The following ZNF892 variants were observed in gnomAD, a reference collection of about 807,000 sequenced individuals.
ZNF892 encodes the protein zinc finger protein 892.
chr2:95,227,299 A>G, the ZNF892 span, among the ~76,000 whole-genome samples: 1 of 152,014 alleles, frequency 6.6e-6, no homozygotes, highest in African/African-American at 2.4e-5. Flanking sequence ...TCTTACAAGA[A>G]TATGTATCAG....
the ZNF892 span, among the ~76,000 whole-genome samples, chr2:95,255,501 A>G: frequency 1.3e-5 from 2 of 152,120 alleles, no homozygotes; most frequent in African/African-American, 4.8e-5. Flanking sequence ...ACTTCCAACT[A>G]TGTGGTCAAT....
At chr2:95,254,197 G>T in the ZNF892 span, among the ~76,000 whole-genome samples, 1 of 152,166 alleles carries the variant, frequency 6.6e-6, no homozygotes, top group African/African-American at 2.4e-5. Context: ...TGCCCATTCA[G>T]TATGATATTG....
chr2:95,258,500 TAC>T, the ZNF892 span, among the ~76,000 whole-genome samples: 1 of 152,194 alleles, frequency 6.6e-6, no homozygotes, highest in African/African-American at 2.4e-5. Flanking sequence ...GGACGTGGGT[TAC>T]AGATTGGGAA....
At chr2:95,242,176 TAAGAC>T in the ZNF892 span, among the ~76,000 whole-genome samples, 1 of 152,114 alleles carries the variant, frequency 6.6e-6, no homozygotes, top group African/African-American at 2.4e-5. Flanking sequence ...AAATCAACTC[TAAGAC>T]ATATAATCAT....
chr2:95,216,736 C>G, the ZNF892 span, among the ~76,000 whole-genome samples: 2 of 151,260 alleles, frequency 1.3e-5, no homozygotes, highest in African/African-American at 2.4e-5. Flanking sequence ...TTTAGTTTAC[C>G]CTGTTTGGGG....
chr2:95,223,804 A>G, the ZNF892 span, among the ~76,000 whole-genome samples: 1 of 152,350 alleles, frequency 6.6e-6, no homozygotes, highest in East Asian at 1.9e-4. Flanking sequence ...AAATCTTAGA[A>G]CATTATCACC....
the ZNF892 span, among the ~76,000 whole-genome samples, chr2:95,225,650 G>T: frequency 6.6e-6 from 1 of 152,156 alleles, no homozygotes; most frequent in Non-Finnish European, 1.5e-5. Flanking sequence ...CAAAACTTTA[G>T]TCCTTTTCAC....
chr2:95,252,606 T>C, the ZNF892 span, among the ~76,000 whole-genome samples: 2 of 152,212 alleles, frequency 1.3e-5, no homozygotes, highest in Non-Finnish European at 2.9e-5. Context: ...TACCCAGTAA[T>C]GGGATTGCTG....
chr2:95,211,478 G>A, the ZNF892 span: 2 of 393,072 alleles, frequency 5.1e-6, no homozygotes, highest in African/African-American at 2.1e-5. Context: ...TCTTAGTACT[G>A]GAAAGGGTGG....
chr2:95,246,189 C>T, the ZNF892 span, among the ~76,000 whole-genome samples: 1 of 152,160 alleles, frequency 6.6e-6, no homozygotes, highest in Non-Finnish European at 1.5e-5. Flanking sequence ...GCTTAATCTC[C>T]AGGATGCAAG....
chr2:95,261,853 C>T, the ZNF892 span, among the ~76,000 whole-genome samples: 3 of 152,300 alleles, frequency 2.0e-5, no homozygotes, highest in African/African-American at 7.2e-5. Flanking sequence ...TGCGACTGGT[C>T]ATGCATCAAG....
chr2:95,263,376 T>G, the ZNF892 span, among the ~76,000 whole-genome samples: 2 of 152,238 alleles, frequency 1.3e-5, no homozygotes, highest in Admixed American at 1.3e-4. Flanking sequence ...CCAGCCGAGC[T>G]ACCCAACTTC....
the ZNF892 span, among the ~76,000 whole-genome samples, chr2:95,248,260 C>T: frequency 6.6e-6 from 1 of 152,176 alleles, no homozygotes; most frequent in East Asian, 1.9e-4. Context: ...CACATGTTCT[C>T]ACTTATAAGT....
the ZNF892 span, among the ~76,000 whole-genome samples, chr2:95,218,855 C>T: frequency 1.3e-5 from 2 of 152,288 alleles, no homozygotes; most frequent in Admixed American, 6.5e-5. Flanking sequence ...TGGGACCCCA[C>T]CTTTAAGGTC....
chr2:95,224,971 A>G, the ZNF892 span, among the ~76,000 whole-genome samples: 1 of 152,238 alleles, frequency 6.6e-6, no homozygotes, highest in Non-Finnish European at 1.5e-5. Context: ...AAGGCCCTCA[A>G]CAGATACTAG....
At chr2:95,241,221 C>G in the ZNF892 span, among the ~76,000 whole-genome samples, 4 of 152,156 alleles carry the variant, frequency 2.6e-5, no homozygotes, top group African/African-American at 7.2e-5. Flanking sequence ...TGAAACCCCC[C>G]CAACAAGCAT....
At chr2:95,222,480 G>T in the ZNF892 span, among the ~76,000 whole-genome samples, 1 of 152,130 alleles carries the variant, frequency 6.6e-6, no homozygotes, top group African/African-American at 2.4e-5. Flanking sequence ...TCCATAATTT[G>T]CCAACACCAG....
the ZNF892 span, among the ~76,000 whole-genome samples, chr2:95,258,002 C>A: frequency 2.0e-5 from 3 of 152,318 alleles, no homozygotes; most frequent in East Asian, 5.8e-4. Context: ...AATTCCCTGA[C>A]CCCTTGCGCT....
At chr2:95,253,088 T>A in the ZNF892 span, among the ~76,000 whole-genome samples, 3 of 152,266 alleles carry the variant, frequency 2.0e-5, no homozygotes, top group Non-Finnish European at 4.4e-5. Context: ...CTCTTTAGTT[T>A]AATTAGATCC....
Sources: allele counts gnomAD v4.1 joint callset (sites outside exome capture counted in the v4.1 genomes callset), GRCh38; gene constraint gnomAD v4.1.1; transcripts MANE v1.5; gene names NCBI Gene and HGNC (gene_info 2026-07-23, HGNC 2026-07-21).